Variants in UPK3A observed in about 807,000 individuals in gnomAD.
UPK3A encodes the protein uroplakin-3a.
A neutral mutation model predicts 27.6 loss-of-function variants in UPK3A; 32 were observed. The observed-to-expected ratio is 1.16, with a 90% CI of 0.87 to 1.55. The LOEUF (loss-of-function observed/expected upper bound fraction) is 1.55, where lower values mean the gene tolerates loss of function less well. UPK3A is among the 40% of genes most tolerant of loss of function. The pLI, the probability that UPK3A is intolerant of heterozygous loss-of-function variation, is 0.00. For missense variants in UPK3A, 370 were observed against 367.9 expected, an observed-to-expected ratio of 1.01 and a Z score of -0.05; for synonymous variants, 171 against 163.9, an observed-to-expected ratio of 1.04 and a Z score of -0.33.
chr22:45,287,531 C>T (rs567624499), intron 3 of UPK3A, 80 bp downstream of exon 3: 5 of 1,511,858 alleles, frequency 3.3e-6, no homozygotes, highest in African/African-American at 2.8e-5. Flanking sequence ...AAAGTAGGAG[C>T]AGCCACACTT....
At chr22:45,285,669 G>A (rs1334424747) in intron 1 of UPK3A, among the ~76,000 whole-genome samples, 1 of 152,106 alleles carries the variant, frequency 6.6e-6, no homozygotes, top group African/African-American at 2.4e-5. Context: ...GGAGGGCTGG[G>A]CCGATGGCAT....
At chr22:45,290,069 G>A (rs1340995944) in intron 4 of UPK3A, among the ~76,000 whole-genome samples, 2 of 152,162 alleles carry the variant, frequency 1.3e-5, no homozygotes, top group Non-Finnish European at 2.9e-5. Context: ...GCAAGGAACC[G>A]CTCTCCTTCC....
In UPK3A at chr22:45,284,985, C is replaced by T. The variant is rs1433625469; in HGVS notation, c.-29C>T. ...CCGCGCCTGCTCGCTGGACCGCCCG[C>T]CCCGCGCTCTGGCGGCTCCTCCCGG... On this transcript the variant is annotated 5_prime_UTR_variant, in exon 1 of 6. Transcript: ENST00000216211. The T allele has an allele frequency of 1.3e-6, 2 of 1,528,564 alleles. No individual in the cohort carries two copies. Among genetic ancestry groups the T allele is most frequent in the Admixed American group, 2.0e-5 (1 of 50,772 alleles). 94.7% of individuals were successfully genotyped at this position (1,528,564 alleles called of 1,614,324 possible).
chr22:45,287,581 C>G (rs879381500), intron 3 of UPK3A, 130 bp downstream of exon 3: 53 of 1,220,708 alleles, frequency 4.3e-5, no homozygotes, highest in African/African-American at 2.8e-4. Context: ...AGGTTCCAGG[C>G]AGGCCACGCT....
intron 5 of UPK3A, among the ~76,000 whole-genome samples, chr22:45,294,871 C>T (rs1207302714): frequency 1.3e-5 from 2 of 151,268 alleles, no homozygotes; most frequent in African/African-American, 4.9e-5. Flanking sequence ...CCTTTCTCTT[C>T]CCCTACGCTC....
At chr22:45,288,217 T>C (rs2472785) in intron 3 of UPK3A, among the ~76,000 whole-genome samples, 118,997 of 151,228 alleles carry the variant, frequency 0.79, 46,825 homozygotes, top group African/African-American at 0.83. Context: ...TTTTTTGAGA[T>C]GGAGTTTCGC....
At chr22:45,291,539 GGTGTGTT>G (rs2084161191) in intron 4 of UPK3A, among the ~76,000 whole-genome samples, 1 of 151,130 alleles carries the variant, frequency 6.6e-6, no homozygotes, top group African/African-American at 2.4e-5. Flanking sequence ...TGTGTTGTGT[GGTGTGTT>G]AGAGTGTGGC....
In UPK3A at chr22:45,285,843, C is replaced by T. The variant is rs1178982947; in HGVS notation, c.53-98C>T. The T allele has an allele frequency of 3.8e-6, 6 of 1,563,860 alleles. No individual in the cohort carries two copies. The East Asian group carries it at 9.2e-5, about 24-fold the overall frequency. ...CGGTGGCCCAGGGGGAGGGTGAAGC[C>T]CAGGGCCTGGCACACAACACGTGCT... On this transcript the variant is annotated intron_variant, in intron 1 of 5. Transcript: ENST00000216211.
rs201414507 is a variant in UPK3A, at chr22:45,286,066, G to A, written c.178G>A (p.Glu60Lys). Residue 60 changes from glutamate to lysine, a missense_variant, in exon 2 of 6, where the codon GAG becomes AAG. Coordinates refer to ENST00000216211, the MANE Select transcript of UPK3A (RefSeq NM_006953.4). ...CAAAGAGGCCCTCACTGGCACCCAC[G>A]AGGTCTACCTGTATGTCCTGGTCGA... is the stretch of plus-strand genomic sequence containing the variant. ...DSKEALTGTHEVYLYVLVDSA... is the reference protein window; with the variant it reads ...DSKEALTGTHKVYLYVLVDSA... 10 of 1,614,176 alleles carry A rather than the reference G, an allele frequency of 6.2e-6. No homozygotes were observed. Among genetic ancestry groups the A allele is most frequent in the East Asian group, 2.2e-5 (1 of 44,884 alleles).
At chr22:45,285,648 G>A (rs747856037) in intron 1 of UPK3A, among the ~76,000 whole-genome samples, 9 of 152,222 alleles carry the variant, frequency 5.9e-5, no homozygotes, top group Non-Finnish European at 1.2e-4. Flanking sequence ...AGGTGAGGAA[G>A]GTGGGACGGA....
chr22:45,286,069 G>A lies in UPK3A; in HGVS notation c.181G>A (p.Val61Ile), dbSNP rs2084115958. The A allele has an allele frequency of 6.2e-7, 1 of 1,614,156 alleles. No individual in the cohort carries two copies. The highest frequency in any genetic ancestry group is 1.1e-5 in the South Asian group (1 of 91,086). ...AGAGGCCCTCACTGGCACCCACGAG[G>A]TCTACCTGTATGTCCTGGTCGACTC... ...SKEALTGTHE[V>I]YLYVLVDSAI... is the part of the protein sequence containing the mutation. Residue 61 changes from valine to isoleucine, a missense_variant, in exon 2 of 6, where the codon GTC becomes ATC. Val to Ile is a conservative substitution (Grantham distance 29). Transcript: ENST00000216211.
chr22:45,289,103 G>C lies in UPK3A; in HGVS notation c.531G>C (p.Glu177Asp). The change falls in exon 4 of 6, where the codon GAG becomes GAC. Residue 177 changes from glutamate to aspartate, a missense_variant. Coordinates refer to ENST00000216211, the MANE Select transcript of UPK3A (RefSeq NM_006953.4). Reference sequence around the variant, plus strand: ...TCAATATGTCCACGGGCTTGGTAGAGGACCAGACCCTGTGGTCAGACCCCA... The same window carrying C: ...TCAATATGTCCACGGGCTTGGTAGACGACCAGACCCTGTGGTCAGACCCCA... ...VLVNMSTGLV[E>D]DQTLWSDPIR... is the part of the protein sequence containing the mutation. 6.2e-7 allele frequency: 1 copy of C among 1,614,056 alleles called. No homozygotes were observed. Among genetic ancestry groups the C allele is most frequent in the African/African-American group, 1.3e-5 (1 of 75,040 alleles).
At chr22:45,290,336 C>T (rs561697904) in intron 4 of UPK3A, among the ~76,000 whole-genome samples, 8 of 152,328 alleles carry the variant, frequency 5.3e-5, no homozygotes, top group African/African-American at 1.9e-4. Flanking sequence ...ATTTCACCTG[C>T]AGAGCCTCCT....
intron 4 of UPK3A, among the ~76,000 whole-genome samples, chr22:45,290,324 G>A (rs1185444499): frequency 6.6e-6 from 1 of 152,304 alleles, no homozygotes; most frequent in East Asian, 1.9e-4. Flanking sequence ...AGGGTCCTGT[G>A]CATTTCACCT....
chr22:45,289,150 G>A lies in UPK3A; in HGVS notation c.571+7G>A, dbSNP rs2084141179. The A allele has an allele frequency of 3.7e-6, 6 of 1,613,700 alleles. No homozygotes were observed. Among genetic ancestry groups the A allele is most frequent in the Non-Finnish European group, 4.2e-6 (5 of 1,179,812 alleles). On this transcript the variant is annotated splice_region_variant and intron_variant, in intron 4 of 5. Coordinates refer to ENST00000216211, the MANE Select transcript of UPK3A (RefSeq NM_006953.4). The stretch of plus-strand genomic sequence containing the variant: ...CCCATCCGCACCAACCAGCGTAAGT[G>A]GTGGGCAGTGGTGGTGGTGATGCTC...
chr22:45,287,323 G>C lies in UPK3A; in HGVS notation c.360G>C (p.Gly120=), dbSNP rs1418998977. 13 of 1,614,206 alleles carry C rather than the reference G, an allele frequency of 8.1e-6. No individual in the cohort carries two copies. Among genetic ancestry groups the C allele is most frequent in the East Asian group, 2.2e-5 (1 of 44,886 alleles). ...CSDLPSLDAI[G]DVSKASQILN... ...ACCTGCCCAGCCTGGATGCCATTGGGGATGTGTCCAAGGCCTCACAGATCC... is the reference window on the plus strand; with the variant it reads ...ACCTGCCCAGCCTGGATGCCATTGGCGATGTGTCCAAGGCCTCACAGATCC... The change falls in exon 3 of 6, where the codon GGG becomes GGC. Residue 120 remains glycine (G), a synonymous_variant. Transcript: ENST00000216211.
intron 4 of UPK3A, among the ~76,000 whole-genome samples, chr22:45,289,971 C>A (rs1038123468): frequency 2.0e-5 from 3 of 152,202 alleles, no homozygotes; most frequent in Middle Eastern, 3.2e-3. Flanking sequence ...TACGTCCTAA[C>A]CAGCCCCTTT....
chr22:45,289,193 C>A (rs139584274), intron 4 of UPK3A, 50 bp downstream of exon 4: 2 of 1,588,868 alleles, frequency 1.3e-6, no homozygotes, highest in East Asian at 4.5e-5. Context: ...CCCGAGAAGG[C>A]GGGGCCAGCC....
chr22:45,287,377 C>A lies in UPK3A; in HGVS notation c.414C>A (p.Ala138=), dbSNP rs1601847261. Reference sequence around the variant, plus strand: ...ATGCCTACCTGGTCAGGGTGGGTGCCAACGGGACCTGCCTGTGGGATCCCA... The same window carrying A: ...ATGCCTACCTGGTCAGGGTGGGTGCAAACGGGACCTGCCTGTGGGATCCCA... The part of the protein sequence containing the change: ...ILNAYLVRVG[A]NGTCLWDPNF... Residue 138 remains alanine, a synonymous_variant, in exon 3 of 6, where the codon GCC becomes GCA. Transcript: ENST00000216211. 5.0e-6 allele frequency: 8 copies of A among 1,613,310 alleles called. No individual in the cohort carries two copies. The highest frequency in any genetic ancestry group is 6.8e-6 in the Non-Finnish European group (8 of 1,179,730).
Sources: gnomAD v4.1 joint callset for allele counts (sites outside exome capture counted in the v4.1 genomes callset) on GRCh38, gnomAD v4.1.1 for gene constraint, MANE v1.5 for transcripts, NCBI Gene and HGNC (gene_info 2026-07-23, HGNC 2026-07-21) for gene names.